SLC25A30: variants seen among roughly 807,000 people sequenced by gnomAD.
SLC25A30 encodes kidney mitochondrial carrier protein 1.
SLC25A30 carries 29 observed loss-of-function variants against 42.7 expected under a neutral mutation model. The ratio of observed to expected loss-of-function variants is 0.68; its 90% CI spans 0.51 to 0.93. The LOEUF (loss-of-function observed/expected upper bound fraction) is 0.93. SLC25A30 is among the 40% of genes least tolerant of loss of function. The probability of loss-of-function intolerance (pLI) is 0.00; values close to 1 mark genes in which losing one functional copy is unlikely to be tolerated. For synonymous variants in SLC25A30, 124 were observed against 131.0 expected (o/e 0.95, Z 0.37); for missense variants, 300 against 359.7 (o/e 0.83, Z 1.34).
intron 9 of SLC25A30, 59 bp downstream of exon 9, chr13:45,397,199 T>C (rs1881427666): frequency 1.8e-6 from 2 of 1,131,530 alleles, no homozygotes; most frequent in South Asian, 2.6e-5. Flanking sequence ...TGAGAGTTTA[T>C]ACAAATAGTA....
the SLC25A30 span, among the ~76,000 whole-genome samples, chr13:45,426,422 G>A: frequency 1.3e-5 from 2 of 152,126 alleles, no homozygotes; most frequent in Non-Finnish European, 2.9e-5. Flanking sequence ...ATTTTAAATC[G>A]TTATGTAAGT....
At chr13:45,397,220 G>C (rs371619944) in intron 9 of SLC25A30, 38 bp downstream of exon 9, 1 of 1,295,690 alleles carries the variant, frequency 7.7e-7, no homozygotes, top group Non-Finnish European at 1.1e-6. Flanking sequence ...TTCTTTAGCT[G>C]TATCTTTTTT....
rs114990198 is a variant in SLC25A30 at position 45,395,341 on chromosome 13, T to C, written c.*633A>G. 1,893 of 986,622 alleles carry C rather than the reference T, an allele frequency of 1.9e-3. 37 individuals carry two copies. The African/African-American group carries it at 0.03, about 16-fold the overall frequency. 61.1% of individuals were successfully genotyped at this position (986,622 alleles called of 1,614,324 possible). A position where few individuals can be genotyped will look rare whatever the true frequency, so the allele number is the denominator to read the frequency against. On this transcript the variant is annotated 3_prime_UTR_variant, in exon 10 of 10. Coordinates refer to ENST00000519676, the MANE Select transcript of SLC25A30 (RefSeq NM_001010875.4). The stretch of plus-strand genomic sequence containing the variant: ...ACCACGAATTTAGAGATTATTACTT[T>C]GTAACAATTTCTCACAAATGTCAAG...
chr13:45,419,623 A>C (rs1460500713), upstream of SLC25A30, among the ~76,000 whole-genome samples: 1 of 150,122 alleles, frequency 6.7e-6, no homozygotes, highest in African/African-American at 2.4e-5. Flanking sequence ...CCGGCTGTGA[A>C]CTCATGATTT....
chr13:45,414,757 G>C (rs1379948083), intron 1 of SLC25A30, among the ~76,000 whole-genome samples: 2 of 152,180 alleles, frequency 1.3e-5, no homozygotes, highest in East Asian at 1.9e-4. Flanking sequence ...AGGGCTATAA[G>C]TATCTTAGGC....
the SLC25A30 span, among the ~76,000 whole-genome samples, chr13:45,423,546 A>G: frequency 1.3e-4 from 11 of 87,868 alleles, no homozygotes; most frequent in South Asian, 2.0e-3. Context: ...AAATATATAT[A>G]AATACATAAA....
the SLC25A30 span, among the ~76,000 whole-genome samples, chr13:45,430,048 G>A: frequency 2.0e-5 from 3 of 151,806 alleles, no homozygotes; most frequent in South Asian, 6.3e-4. Context: ...CCTAGAAAAT[G>A]AAGCTAAATT....
At chr13:45,419,527 G>A (rs906929617), upstream of SLC25A30, among the ~76,000 whole-genome samples, 3 of 150,530 alleles carry the variant, frequency 2.0e-5, no homozygotes, top group African/African-American at 7.3e-5. Context: ...CCATATTGGT[G>A]AGGCTGGTCT....
At chr13:45,402,135 T>C (rs983156391) in intron 6 of SLC25A30, 140 bp downstream of exon 6, 2 of 547,888 alleles carry the variant, frequency 3.7e-6, no homozygotes, top group Non-Finnish European at 6.4e-6. Context: ...TAAAGAAAGA[T>C]ATTTTCATGG....
rs564118974 is a variant in SLC25A30, at chr13:45,403,204, G to C, written c.394-834C>G. Among the ~76,000 whole-genome samples the C allele has an allele frequency of 5.3e-5, 8 of 152,304 alleles. No homozygotes were observed. In the South Asian group the frequency reaches 1.2e-3, roughly 24 times the overall value. The stretch of plus-strand genomic sequence containing the variant: ...CAACACTGGTAAACTTATGGCAAAG[G>C]TACCTTGTATTTCTTCCTTACCCAC... On this transcript the variant is annotated intron_variant, in intron 5 of 9. Transcript: ENST00000519676.
chr13:45,422,220 A>T (rs536564884), upstream of SLC25A30, among the ~76,000 whole-genome samples: 17 of 152,182 alleles, frequency 1.1e-4, no homozygotes, highest in Admixed American at 1.1e-3. Flanking sequence ...AATGATGCAG[A>T]TAATATGGAC....
At chr13:45,429,681 T>A in the SLC25A30 span, among the ~76,000 whole-genome samples, 1 of 151,358 alleles carries the variant, frequency 6.6e-6, no homozygotes, top group Non-Finnish European at 1.5e-5. Flanking sequence ...AAAAAATTTT[T>A]TTAATTAGCT....
intron 2 of SLC25A30, 123 bp downstream of exon 2, chr13:45,411,239 T>TA: frequency 1.2e-6 from 1 of 807,644 alleles, no homozygotes; most frequent in Non-Finnish European, 2.1e-6. Flanking sequence ...CACACCCAGC[T>TA]AACAGACATT....
intron 9 of SLC25A30, chr13:45,396,467 G>T: frequency 1.9e-6 from 1 of 520,820 alleles, no homozygotes; most frequent in Non-Finnish European, 2.5e-6. Context: ...TCATCACTCT[G>T]CCCTTCAGTG....
At chr13:45,424,616 T>G in the SLC25A30 span, among the ~76,000 whole-genome samples, 8,378 of 55,374 alleles carry the variant, frequency 0.15, 1,741 homozygotes, top group African/African-American at 0.34. Context: ...TAAATATATA[T>G]AAATATATAT....
chr13:45,423,592 T>TATATATAAAAATATATATAAA, the SLC25A30 span, among the ~76,000 whole-genome samples: 1 of 23,726 alleles, frequency 4.2e-5, no homozygotes. Flanking sequence ...TATATATAAA[T>TATATATAAAAATATATATAAA]ATATATATAT....
chr13:45,397,408 C>T, intron 8 of SLC25A30, 70 bp from the exon 9 acceptor site: 3 of 1,153,816 alleles, frequency 2.6e-6, no homozygotes, highest in Non-Finnish European at 3.8e-6. Flanking sequence ...TAATTAGTGG[C>T]CAGGCCAGGC....
At chr13:45,423,560 AAT>A in the SLC25A30 span, among the ~76,000 whole-genome samples, 12 of 106,614 alleles carry the variant, frequency 1.1e-4, 2 homozygotes, top group East Asian at 4.5e-4. Flanking sequence ...ACATAAAAAA[AAT>A]ATATAAATAT....
At position 45,411,371 on chromosome 13, in the gene SLC25A30, C is replaced by T; in HGVS notation, c.55G>A (p.Ala19Thr). The T allele has an allele frequency of 1.2e-6, 2 of 1,613,606 alleles. No individual in the cohort carries two copies. Among genetic ancestry groups the T allele is most frequent in the Non-Finnish European group, 1.7e-6 (2 of 1,179,496 alleles). ...ACCCTCAGGTCCTTACCGCACTCAGCAGTGATGGAGGCCAGCCCCCCGTAC... is the reference window on the plus strand; with the variant it reads ...ACCCTCAGGTCCTTACCGCACTCAGTAGTGATGGAGGCCAGCCCCCCGTAC... ...FVYGGLASIT[A>T]ECGTFPIDLT... Residue 19 changes from alanine to threonine, a missense_variant, in exon 2 of 10, where the codon GCT (alanine) becomes ACT (threonine). Coordinates refer to ENST00000519676, the MANE Select transcript of SLC25A30 (RefSeq NM_001010875.4).
Sources: allele counts gnomAD v4.1 joint callset (sites outside exome capture counted in the v4.1 genomes callset), GRCh38; gene constraint gnomAD v4.1.1; transcripts MANE v1.5; gene names NCBI Gene and HGNC (gene_info 2026-07-23, HGNC 2026-07-21).